The following H2BN1 variants were observed in gnomAD, a reference collection of about 807,000 sequenced individuals.
H2BN1 encodes the protein histone H2B.N.
chr17:32,895,998 A>G, the H2BN1 span, among the ~76,000 whole-genome samples: 1 of 152,116 alleles, frequency 6.6e-6, no homozygotes, highest in Non-Finnish European at 1.5e-5. Context: ...CCTGGGCTCA[A>G]ATGATTCTTC....
the H2BN1 span, among the ~76,000 whole-genome samples, chr17:32,895,725 T>G: frequency 1.2e-4 from 19 of 152,172 alleles, no homozygotes; most frequent in African/African-American, 4.6e-4. Context: ...ACACATAGTG[T>G]TCCTGAAAAG....
the H2BN1 span, among the ~76,000 whole-genome samples, chr17:32,901,551 GC>G: frequency 6.6e-6 from 1 of 152,104 alleles, no homozygotes; most frequent in Non-Finnish European, 1.5e-5. Context: ...TGAAGATGAG[GC>G]TTTAATTGTT....
At chr17:32,899,456 CTG>C in the H2BN1 span, among the ~76,000 whole-genome samples, 1 of 152,152 alleles carries the variant, frequency 6.6e-6, no homozygotes, top group Admixed American at 6.5e-5. Flanking sequence ...TGTACAGGGA[CTG>C]TGTCAACAAG....
the H2BN1 span, among the ~76,000 whole-genome samples, chr17:32,898,043 C>G: frequency 6.6e-6 from 1 of 152,140 alleles, no homozygotes; most frequent in Non-Finnish European, 1.5e-5. Context: ...CTCACCAGCT[C>G]CAAATTCCCG....
chr17:32,896,839 C>A, the H2BN1 span, among the ~76,000 whole-genome samples: 2 of 152,180 alleles, frequency 1.3e-5, no homozygotes. Context: ...AATGTTCAGG[C>A]ATTGCTGAAT....
the H2BN1 span, among the ~76,000 whole-genome samples, chr17:32,897,017 G>A: frequency 3.3e-5 from 5 of 152,178 alleles, no homozygotes; most frequent in Non-Finnish European, 7.3e-5. Context: ...GTGTGGGCCT[G>A]GCAGGCCACC....
the H2BN1 span, chr17:32,905,593 ACAGTCT>A: frequency 6.6e-6 from 1 of 152,186 alleles, no homozygotes; most frequent in Non-Finnish European, 1.5e-5. Context: ...TGTCCATGAC[ACAGTCT>A]CAGGAGGCTC....
At chr17:32,896,781 A>G in the H2BN1 span, among the ~76,000 whole-genome samples, 1 of 152,300 alleles carries the variant, frequency 6.6e-6, no homozygotes, top group East Asian at 1.9e-4. Context: ...TACGGCCTCT[A>G]TCTGCTACAT....
the H2BN1 span, among the ~76,000 whole-genome samples, chr17:32,905,115 G>T: frequency 5.3e-5 from 8 of 152,226 alleles, no homozygotes; most frequent in South Asian, 1.7e-3. Flanking sequence ...CAGGAAAAAA[G>T]CCTCAAACTC....
the H2BN1 span, among the ~76,000 whole-genome samples, chr17:32,899,385 C>A: frequency 3.9e-5 from 6 of 152,172 alleles, no homozygotes; most frequent in Non-Finnish European, 5.9e-5. Context: ...AAACTTGGGG[C>A]TCCTGGGCCT....
At chr17:32,899,863 A>T in the H2BN1 span, among the ~76,000 whole-genome samples, 1 of 151,982 alleles carries the variant, frequency 6.6e-6, no homozygotes, top group East Asian at 1.9e-4. Flanking sequence ...GTCTTCTATT[A>T]GGTCACTATT....
chr17:32,903,962 T>A, the H2BN1 span, among the ~76,000 whole-genome samples: 1 of 152,192 alleles, frequency 6.6e-6, no homozygotes, highest in Non-Finnish European at 1.5e-5. Flanking sequence ...ACTAAGTTGT[T>A]TCACCCTCTT....
chr17:32,899,739 C>A, the H2BN1 span, among the ~76,000 whole-genome samples: 2 of 152,218 alleles, frequency 1.3e-5, no homozygotes, highest in East Asian at 3.9e-4. Context: ...TAGGCATATA[C>A]TAAATTGTTA....
chr17:32,898,139 A>G, the H2BN1 span, among the ~76,000 whole-genome samples: 2 of 152,124 alleles, frequency 1.3e-5, no homozygotes, highest in Admixed American at 1.3e-4. Context: ...TAGCTTAGAA[A>G]GTTTATTTTG....
the H2BN1 span, among the ~76,000 whole-genome samples, chr17:32,902,839 CA>C: frequency 0.66 from 94,911 of 144,420 alleles, 31,500 homozygotes; most frequent in African/African-American, 0.84. Flanking sequence ...GACTCCATCT[CA>C]AAAAAAAAAA....
At chr17:32,904,947 A>T in the H2BN1 span, among the ~76,000 whole-genome samples, 1 of 152,218 alleles carries the variant, frequency 6.6e-6, no homozygotes, top group African/African-American at 2.4e-5. Context: ...GGAACAAACA[A>T]CAACAACAAA....
the H2BN1 span, among the ~76,000 whole-genome samples, chr17:32,898,907 G>A: frequency 3.3e-5 from 5 of 152,124 alleles, no homozygotes; most frequent in Admixed American, 6.6e-5. Context: ...GTTTCAGTTC[G>A]TAGGGTTTTA....
the H2BN1 span, among the ~76,000 whole-genome samples, chr17:32,902,370 A>T: frequency 6.6e-6 from 1 of 152,184 alleles, no homozygotes; most frequent in African/African-American, 2.4e-5. Context: ...GGCTGAACTA[A>T]CTTTGGGAGG....
the H2BN1 span, among the ~76,000 whole-genome samples, chr17:32,899,365 G>T: frequency 6.6e-6 from 1 of 152,150 alleles, no homozygotes; most frequent in Non-Finnish European, 1.5e-5. Flanking sequence ...TCCTCTTGAG[G>T]TTCCAAGATA....
Sources: gnomAD v4.1 joint callset for allele counts (sites outside exome capture counted in the v4.1 genomes callset) on GRCh38, gnomAD v4.1.1 for gene constraint, MANE v1.5 for transcripts, NCBI Gene and HGNC (gene_info 2026-07-23, HGNC 2026-07-21) for gene names.